DNASE2: variants seen among roughly 807,000 people sequenced by gnomAD.
The protein encoded by DNASE2 is deoxyribonuclease-2-alpha.
In DNASE2, 26 loss-of-function variants were observed where a neutral mutation model predicts 29.8. The ratio of observed to expected loss-of-function variants is 0.87; its 90% confidence interval spans 0.64 to 1.21. DNASE2 has a LOEUF of 1.21. DNASE2 is among the 50% of genes most tolerant of loss of function. DNASE2 has a pLI of 0.00. For missense variants in DNASE2, 415 were observed against 455.6 expected, an observed-to-expected ratio of 0.91 and a Z score of 0.81; for synonymous variants, 186 against 193.5, an observed-to-expected ratio of 0.96 and a Z score of 0.32.
At position 12,875,702 on chromosome 19, in the gene DNASE2, C is replaced by CT. The variant is rs1287635620; in HGVS notation, c.*287_*288insA. On this transcript the variant is annotated 3_prime_UTR_variant, in exon 6 of 6. Transcript: ENST00000222219. Reference sequence around the variant, plus strand: ...AGCCACTGCACCCACCCGTCCCCCGCCCCCCCTTTTTTTTTGAAACAGAGT... The same window carrying CT: ...AGCCACTGCACCCACCCGTCCCCCGCTCCCCCCTTTTTTTTTGAAACAGAGT... 6.7e-6 allele frequency: 2 copies of CT among 298,004 alleles called. No individual in the cohort carries two copies. The highest frequency in any genetic ancestry group is 4.9e-5 in the African/African-American group (2 of 40,748). 18.5% of individuals were successfully genotyped at this position (298,004 alleles called of 1,614,324 possible). A position where few individuals can be genotyped will look rare whatever the true frequency, so the allele number is the denominator to read the frequency against.
rs531003217 is a variant in DNASE2, at chr19:12,881,354, C to T, written c.22G>A (p.Ala8Thr). Residue 8 changes from alanine (A) to threonine (T), a missense_variant, in exon 1 of 6, where the codon GCG becomes ACG. By Grantham distance (58) the Ala-to-Thr change is moderately conservative (BLOSUM62 0). Transcript: ENST00000222219. MIPLLLA[A>T]LLCVPAGALT... ...GCCCCGGCGGGGACGCACAGCAGCG[C>T]TGCCAGCAGCAGCGGGATCATAGCT... 2.6e-6 allele frequency: 4 copies of T among 1,563,358 alleles called. No individual in the cohort carries two copies. Among genetic ancestry groups the T allele is most frequent in the Non-Finnish European group, 3.5e-6 (4 of 1,155,004 alleles).
intron 5 of DNASE2, 96 bp from the exon 6 acceptor site, chr19:12,876,459 C>CA: frequency 3.9e-6 from 5 of 1,267,054 alleles, no homozygotes; most frequent in South Asian, 1.6e-5. Context: ...TCCATATTTC[C>CA]TTTTTTTTTT....
At chr19:12,880,159 T>C (rs1171144735) in intron 3 of DNASE2, among the ~76,000 whole-genome samples, 1 of 136,268 alleles carries the variant, frequency 7.3e-6, no homozygotes, top group Non-Finnish European at 1.6e-5. Context: ...GCAGGCCCAG[T>C]ACTTGGGAGG....
In DNASE2 at chr19:12,881,119, C is replaced by G. The variant is rs769042117; in HGVS notation, c.120G>C (p.Gly40=). The change falls in exon 2 of 6, where the codon GGG becomes GGC. Residue 40 remains glycine (G), a synonymous_variant. Coordinates refer to ENST00000222219, the MANE Select transcript of DNASE2 (RefSeq NM_001375.3). The part of the protein sequence containing the change: ...FVVYKLPALR[G]SGEAAQRGLQ... Reference sequence around the variant, plus strand: ...GCCCTCTCTGCGCCGCCTCCCCGGACCCTCTAAGAGCTGGCAGCTTGTAGA... The same window carrying G: ...GCCCTCTCTGCGCCGCCTCCCCGGAGCCTCTAAGAGCTGGCAGCTTGTAGA... 1 of 1,611,894 alleles carries G rather than the reference C, an allele frequency of 6.2e-7. No individual in the cohort carries two copies. Among genetic ancestry groups the G allele is most frequent in the Non-Finnish European group, 8.5e-7 (1 of 1,180,000 alleles).
In DNASE2 at chr19:12,881,372, T is replaced by C; in HGVS notation, c.4A>G (p.Ile2Val). M[I>V]PLLLAALLCV... is the part of the protein sequence containing the mutation. ...AGCAGCGCTGCCAGCAGCAGCGGGA[T>C]CATAGCTGCTATGGGGCTGAGATCC... Residue 2 changes from isoleucine (I) to valine (V), a missense_variant, in exon 1 of 6, where the codon ATC (isoleucine) becomes GTC (valine). Physicochemically the swap from Ile to Val is conservative, Grantham distance 29. Coordinates refer to ENST00000222219, the MANE Select transcript of DNASE2 (RefSeq NM_001375.3). 6.4e-7 allele frequency: 1 copy of C among 1,557,976 alleles called. No individual in the cohort carries two copies. The highest frequency in any genetic ancestry group is 8.7e-7 in the Non-Finnish European group (1 of 1,152,064).
Position 12,881,136 on chromosome 19 carries a change from G to C in DNASE2, c.103C>G (p.Leu35Val), listed in dbSNP as rs149049935. ...QPVDWFVVYK[L>V]PALRGSGEAA... is the part of the protein sequence containing the mutation. Reference sequence around the variant, plus strand: ...TCCCCGGACCCTCTAAGAGCTGGCAGCTTGTAGACCACGAACCTGGAGGTC... The same window carrying C: ...TCCCCGGACCCTCTAAGAGCTGGCACCTTGTAGACCACGAACCTGGAGGTC... The change falls in exon 2 of 6, where the codon CTG becomes GTG. Residue 35 changes from leucine (L) to valine (V), a missense_variant. Coordinates refer to ENST00000222219, the MANE Select transcript of DNASE2 (RefSeq NM_001375.3). 33 of 1,611,762 alleles carry C rather than the reference G, an allele frequency of 2.0e-5. No homozygotes were observed. The African/African-American group carries it at 4.0e-4, about 20-fold the overall frequency.
At position 12,880,850 on chromosome 19, in the gene DNASE2, G is replaced by A. The variant is rs1203290177; in HGVS notation, c.298C>T (p.Pro100Ser). 2.5e-6 allele frequency: 4 copies of A among 1,614,076 alleles called. No individual in the cohort carries two copies. The highest frequency in any genetic ancestry group is 1.3e-5 in the African/African-American group (1 of 74,920). ...GAGTCCTGAGCCTTGCTGGGTTGAG[G>A]CGGTTGGTCATTGTAGAGCAGGAAG... ...LAFLLYNDQP[P>S]QPSKAQDSSM... The change falls in exon 3 of 6, where the codon CCT becomes TCT. Residue 100 changes from proline to serine, a missense_variant. Coordinates refer to ENST00000222219, the MANE Select transcript of DNASE2 (RefSeq NM_001375.3).
intron 5 of DNASE2, among the ~76,000 whole-genome samples, chr19:12,876,791 T>A (rs10404876): frequency 6.6e-6 from 1 of 151,496 alleles, no homozygotes; most frequent in Non-Finnish European, 1.5e-5. Flanking sequence ...CAATTCCCAG[T>A]CCTGGGAATG....
chr19:12,876,459 CTTTTT>C (rs56207722), intron 5 of DNASE2, 96 bp from the exon 6 acceptor site: 904 of 1,262,456 alleles, frequency 7.2e-4, no homozygotes, highest in Non-Finnish European at 7.6e-4. Context: ...TCCATATTTC[CTTTTT>C]TTTTTTTTTT....
intron 5 of DNASE2, 30 bp downstream of exon 5, chr19:12,878,352 A>G (rs1370007693): frequency 1.2e-6 from 2 of 1,611,832 alleles, no homozygotes; most frequent in African/African-American, 2.7e-5. Flanking sequence ...GCAGAGAAGG[A>G]GCTCTCCAAC....
In DNASE2 at chr19:12,881,306, C is replaced by G. The variant is rs748390311; in HGVS notation, c.70G>C (p.Gly24Arg). 10 of 1,572,032 alleles carry G rather than the reference C, an allele frequency of 6.4e-6. No individual in the cohort carries two copies. In the African/African-American group the frequency reaches 8.1e-5, roughly 13 times the overall value. Residue 24 changes from glycine (G) to arginine (R), a missense_variant, in exon 1 of 6, where the codon GGG becomes CGG. By Grantham distance (125) the Gly-to-Arg change is moderately radical. Coordinates refer to ENST00000222219, the MANE Select transcript of DNASE2 (RefSeq NM_001375.3). Reference protein sequence around the residue: ...AGALTCYGDSGQPVDWFVVYK... With the variant: ...AGALTCYGDSRQPVDWFVVYK... ...CGCACTCACCAGTCTACAGGCTGCC[C>G]GGAGTCCCCGTAGCAGGTCAGGGCC...
intron 5 of DNASE2, among the ~76,000 whole-genome samples, chr19:12,877,037 G>A (rs1970329614): frequency 6.6e-6 from 1 of 152,076 alleles, no homozygotes; most frequent in South Asian, 2.1e-4. Flanking sequence ...TGGCCAGGCT[G>A]TTCTCAAACT....
Position 12,878,209 on chromosome 19 carries a change from G to C in DNASE2, c.709+173C>G. 6.4e-6 allele frequency: 5 copies of C among 782,578 alleles called. No homozygotes were observed. The South Asian group carries it at 7.5e-5, about 12-fold the overall frequency. 48.5% of individuals were successfully genotyped at this position (782,578 alleles called of 1,614,324 possible). On this transcript the variant is annotated intron_variant, in intron 5 of 5. Transcript: ENST00000222219. ...ATGAGTAGACCAAGGCTCAGGTGAA[G>C]TTATACATCACACAGCAAAACCCAG...
chr19:12,879,320 A>G (rs956894855), intron 3 of DNASE2, among the ~76,000 whole-genome samples: 3 of 150,916 alleles, frequency 2.0e-5, no homozygotes, highest in African/African-American at 7.3e-5. Context: ...CCTCATCACT[A>G]CTAAAAATAC....
rs1267983855 is a variant in DNASE2, at chr19:12,881,325, C to T, written c.51G>A (p.Leu17=). 1.9e-6 allele frequency: 3 copies of T among 1,571,274 alleles called. No homozygotes were observed. The highest frequency in any genetic ancestry group is 1.7e-6 in the Non-Finnish European group (2 of 1,159,180). Residue 17 remains leucine, a synonymous_variant, in exon 1 of 6, where the codon CTG becomes CTA. Coordinates refer to ENST00000222219, the MANE Select transcript of DNASE2 (RefSeq NM_001375.3). ...GCTGCCCGGAGTCCCCGTAGCAGGT[C>T]AGGGCCCCGGCGGGGACGCACAGCA... The part of the protein sequence containing the change: ...AALLCVPAGA[L]TCYGDSGQPV...
At chr19:12,877,437 G>A (rs139224502) in intron 5 of DNASE2, among the ~76,000 whole-genome samples, 3 of 151,154 alleles carry the variant, frequency 2.0e-5, no homozygotes, top group East Asian at 2.0e-4. Flanking sequence ...ATGGGGTCCC[G>A]CTGTGTTGCC....
At chr19:12,878,616 C>A in intron 4 of DNASE2, 37 bp from the exon 5 acceptor site, 1 of 1,613,878 alleles carries the variant, frequency 6.2e-7, no homozygotes, top group Non-Finnish European at 8.5e-7. Context: ...CAAGATCGTT[C>A]CAGGTTCTGG....
chr19:12,880,975 G>A lies in DNASE2; in HGVS notation c.264C>T (p.Ser88=). The change falls in exon 2 of 6, where the codon AGC becomes AGT. Residue 88 remains serine, a synonymous_variant. Transcript: ENST00000222219. ...SLQPLYRSNT[S]QLAFLLYNDQ... is the part of the protein sequence containing the mutation. ...GTTGGCCCGGGGCCCCCTTCACCTG[G>A]CTGGTGTTGCTCCGGTACAGCGGCT... 6.2e-7 allele frequency: 1 copy of A among 1,614,186 alleles called. No homozygotes were observed. The highest frequency in any genetic ancestry group is 1.3e-5 in the African/African-American group (1 of 75,058).
rs757196146 is a variant in DNASE2 at position 12,880,878 on chromosome 19, G to A, written c.270C>T (p.Leu90=). Residue 90 remains leucine, a splice_region_variant and synonymous_variant, in exon 3 of 6, where the codon CTC becomes CTT. Coordinates refer to ENST00000222219, the MANE Select transcript of DNASE2 (RefSeq NM_001375.3). ...GTTGGTCATTGTAGAGCAGGAAGGC[G>A]AGCTGCGGGCGGATAAACGGAGGCA... ...QPLYRSNTSQ[L]AFLLYNDQPP... is the part of the protein sequence containing the mutation. 3 of 1,614,182 alleles carry A rather than the reference G, an allele frequency of 1.9e-6. No individual in the cohort carries two copies. The highest frequency in any genetic ancestry group is 2.5e-6 in the Non-Finnish European group (3 of 1,180,046).
Sources: gnomAD v4.1 joint callset for allele counts (sites outside exome capture counted in the v4.1 genomes callset) on GRCh38, gnomAD v4.1.1 for gene constraint, MANE v1.5 for transcripts, NCBI Gene and HGNC (gene_info 2026-07-23, HGNC 2026-07-21) for gene names.